Variants in SPG7 observed in about 807,000 individuals in gnomAD.
SPG7 encodes the protein mitochondrial inner membrane m-AAA protease component paraplegin.
SPG7 carries 103 observed loss-of-function variants against 81.9 expected under a neutral mutation model. That is an observed-to-expected ratio of 1.26 (90% CI 1.07 to 1.48). The LOEUF is 1.48. SPG7 is among the 40% of genes most tolerant of loss of function. The pLI is 0.00. For synonymous variants in SPG7, 534 were observed against 444.2 expected (o/e 1.20, Z -2.54); for missense variants, 1,241 against 1,087.3 (o/e 1.14, Z -1.99).
At position 89,526,480 on chromosome 16, in the gene SPG7, G is replaced by A; in HGVS notation, c.758+12G>A. 6.2e-7 allele frequency: 1 copy of A among 1,614,104 alleles called. No individual in the cohort carries two copies. Among genetic ancestry groups the A allele is most frequent in the Non-Finnish European group, 8.5e-7 (1 of 1,179,994 alleles). On this transcript the variant is annotated intron_variant, in intron 5 of 16. Coordinates refer to ENST00000645818, the MANE Select transcript of SPG7 (RefSeq NM_003119.4). ...GGATTCTTTGGAAAGTATGTTGGAT[G>A]TATTTGTTGATGCTTGAACTAAACC...
intron 3 of SPG7, chr16:89,519,476 G>A (rs909222599): frequency 2.0e-5 from 3 of 152,076 alleles, no homozygotes; most frequent in African/African-American, 7.2e-5. Flanking sequence ...CGCCTCCCGG[G>A]TTCAAGCCAT....
At chr16:89,536,985 C>T in intron 9 of SPG7, 1 of 1,613,780 alleles carries the variant, frequency 6.2e-7, no homozygotes, top group Non-Finnish European at 8.5e-7. Flanking sequence ...CACATAACCT[C>T]TCTGTGCCAT....
At chr16:89,555,118 T>C (rs2058674181) in intron 16 of SPG7, 1 of 157,404 alleles carries the variant, frequency 6.4e-6, no homozygotes, top group South Asian at 1.8e-4. Context: ...AGTCTCTCTC[T>C]GTCACGAGGC....
chr16:89,525,333 C>T (rs1274636713), intron 4 of SPG7, among the ~76,000 whole-genome samples: 2 of 152,160 alleles, frequency 1.3e-5, no homozygotes, highest in African/African-American at 2.4e-5. Flanking sequence ...GTGCAGAAGA[C>T]GGTGCTCATT....
intron 12 of SPG7, chr16:89,549,147 C>A (rs977110160): frequency 2.2e-6 from 1 of 456,684 alleles, no homozygotes; most frequent in African/African-American, 2.0e-5. Flanking sequence ...TAACCATTTA[C>A]TTTTATGTGG....
chr16:89,535,656 TGAG>T (rs1357547974), intron 9 of SPG7, among the ~76,000 whole-genome samples: 1 of 152,208 alleles, frequency 6.6e-6, no homozygotes, highest in African/African-American at 2.4e-5. Flanking sequence ...GAGGTGTCAC[TGAG>T]GAGAGACCCG....
At chr16:89,538,133 G>A (rs555597338) in intron 9 of SPG7, 1 of 152,288 alleles carries the variant, frequency 6.6e-6, no homozygotes, top group African/African-American at 2.4e-5. Flanking sequence ...CCGGGAGCGG[G>A]ATGGGGATGC....
At chr16:89,545,989 C>T (rs1012715599) in intron 10 of SPG7, 11 of 420,136 alleles carry the variant, frequency 2.6e-5, no homozygotes, top group East Asian at 7.5e-5. Flanking sequence ...CGTGCGCCGC[C>T]GTGCTGGTTA....
chr16:89,549,219 A>G (rs560110312), intron 12 of SPG7: 4 of 456,884 alleles, frequency 8.8e-6, no homozygotes, highest in South Asian at 1.5e-5. Flanking sequence ...ACCACAAGCC[A>G]GTTGAAAGAA....
At chr16:89,534,564 G>T (rs999309137) in intron 9 of SPG7, among the ~76,000 whole-genome samples, 1 of 152,246 alleles carries the variant, frequency 6.6e-6, no homozygotes, top group African/African-American at 2.4e-5. Context: ...GGCTCCGAGA[G>T]AGCCGTTGAC....
At chr16:89,513,940 G>A (rs558682369) in intron 3 of SPG7, among the ~76,000 whole-genome samples, 11 of 152,300 alleles carry the variant, frequency 7.2e-5, no homozygotes, top group African/African-American at 2.4e-4. Flanking sequence ...GTGAATTCGA[G>A]TTTAGCAGGA....
chr16:89,534,095 A>ACCG, intron 9 of SPG7, among the ~76,000 whole-genome samples: 1 of 152,320 alleles, frequency 6.6e-6, no homozygotes, highest in East Asian at 1.9e-4. Flanking sequence ...CTGTTGAGCA[A>ACCG]CCGCCACCAC....
chr16:89,544,555 TCTCC>T, intron 9 of SPG7, 89 bp from the exon 10 acceptor site: 1 of 1,484,118 alleles, frequency 6.7e-7, no homozygotes, highest in Non-Finnish European at 9.4e-7. Flanking sequence ...GGGGGGTCTC[TCTCC>T]CTCCTGTGTC....
chr16:89,529,609 C>T, intron 6 of SPG7, 30 bp downstream of exon 6: 1 of 1,485,962 alleles, frequency 6.7e-7, no homozygotes, highest in Non-Finnish European at 9.4e-7. Flanking sequence ...GCTCTCTGAA[C>T]TCTTTCTGGT....
intron 9 of SPG7, chr16:89,540,131 C>T (rs1047123972): frequency 4.6e-5 from 7 of 152,338 alleles, no homozygotes; most frequent in African/African-American, 7.2e-5. Flanking sequence ...TTCTGTGAGA[C>T]GAGAGCAGGT....
In SPG7 at chr16:89,513,622, T is replaced by TCAGGAGTTGGAGGAGCTTGAGCC. The variant is rs546800074; in HGVS notation, c.376+599_376+621dup. Among the ~76,000 whole-genome samples the TCAGGAGTTGGAGGAGCTTGAGCC allele has an allele frequency of 1.2e-4, 18 of 152,282 alleles. 1 individual carries two copies. The East Asian group carries it at 1.5e-3, about 13-fold the overall frequency. On this transcript the variant is annotated intron_variant, in intron 3 of 16. Coordinates refer to ENST00000645818, the MANE Select transcript of SPG7 (RefSeq NM_003119.4). ...GGTGGTGTGCACCTGTAGTCATAGC[T>TCAGGAGTTGGAGGAGCTTGAGCC]CAGGAGTTGGAGGAGCTTGAGCCCA...
intron 1 of SPG7, 32 bp downstream of exon 1, chr16:89,508,632 C>T (rs879936861): frequency 1.7e-5 from 24 of 1,428,776 alleles, no homozygotes; most frequent in South Asian, 1.5e-5. Context: ...GCCCCACCTC[C>T]CGCCCGGCTC....
intron 9 of SPG7, among the ~76,000 whole-genome samples, chr16:89,534,593 C>T (rs574165239): frequency 3.9e-5 from 6 of 152,372 alleles, no homozygotes; most frequent in African/African-American, 1.4e-4. Flanking sequence ...TTCTTTGTTG[C>T]CTGTGGCTGT....
intron 5 of SPG7, chr16:89,529,137 T>G (rs1481499664): frequency 2.7e-6 from 1 of 372,834 alleles, no homozygotes; most frequent in Non-Finnish European, 5.2e-6. Context: ...ACTCTTAGGC[T>G]GATCTTGCCT....
Sources: gnomAD v4.1 joint callset for allele counts (sites outside exome capture counted in the v4.1 genomes callset) on GRCh38, gnomAD v4.1.1 for gene constraint, MANE v1.5 for transcripts, NCBI Gene and HGNC (gene_info 2026-07-23, HGNC 2026-07-21) for gene names.